MPPED2: variants seen among roughly 807,000 people sequenced by gnomAD.
MPPED2 encodes the protein metallophosphoesterase MPPED2.
A neutral mutation model predicts 33.0 loss-of-function variants in MPPED2; 5 were observed. The ratio of observed to expected loss-of-function variants is 0.15; its 90% CI spans 0.08 to 0.32. The LOEUF is 0.32. Ranked by LOEUF, MPPED2 falls within the 10% of genes least tolerant of loss-of-function variation. MPPED2 has a pLI of 1.00. For missense variants in MPPED2, 275 were observed against 372.1 expected, an observed-to-expected ratio of 0.74 and a Z score of 2.15; for synonymous variants, 136 against 141.9, an observed-to-expected ratio of 0.96 and a Z score of 0.29.
chr11:30,522,632 T>C (rs1953938627), intron 3 of MPPED2, among the ~76,000 whole-genome samples: 1 of 152,218 alleles, frequency 6.6e-6, no homozygotes, highest in African/African-American at 2.4e-5. Context: ...GAGGCTCTTC[T>C]GGGACTTAAC....
chr11:30,489,389 G>A (rs1203459151), intron 4 of MPPED2, among the ~76,000 whole-genome samples: 1 of 152,210 alleles, frequency 6.6e-6, no homozygotes, highest in Admixed American at 6.5e-5. Context: ...TAGAAATGCT[G>A]CAGAGAGTGA....
intron 2 of MPPED2, among the ~76,000 whole-genome samples, chr11:30,556,637 C>A (rs1565181412): frequency 6.6e-6 from 1 of 152,102 alleles, no homozygotes; most frequent in Non-Finnish European, 1.5e-5. Context: ...CCCAGGTCAC[C>A]CTTGGCAGCC....
intron 2 of MPPED2, among the ~76,000 whole-genome samples, chr11:30,552,286 G>A (rs572127016): frequency 5.3e-5 from 8 of 152,284 alleles, no homozygotes; most frequent in South Asian, 4.1e-4. Flanking sequence ...AAATTTCCCC[G>A]ATCCACAAAC....
chr11:30,447,351 G>A (rs1949857875), intron 4 of MPPED2, among the ~76,000 whole-genome samples: 1 of 152,186 alleles, frequency 6.6e-6, no homozygotes, highest in African/African-American at 2.4e-5. Flanking sequence ...TCCTTGTCGT[G>A]TCAGTGCAGA....
chr11:30,567,749 C>T (rs1956508628), intron 2 of MPPED2, among the ~76,000 whole-genome samples: 1 of 152,106 alleles, frequency 6.6e-6, no homozygotes, highest in African/African-American at 2.4e-5. Context: ...ATCATGAACC[C>T]CTATAAACTT....
chr11:30,522,934 A>G (rs1953956330), intron 3 of MPPED2, among the ~76,000 whole-genome samples: 2 of 152,248 alleles, frequency 1.3e-5, no homozygotes, highest in African/African-American at 4.8e-5. Context: ...AAACAATTAT[A>G]AATTTAAAAT....
rs1235482937 is a variant in MPPED2, at chr11:30,580,486, T to C, written c.-113A>G. Reference sequence around the variant, plus strand: ...CCAAGGATCTACTCATCAATACCGCTGTGCATTTCTGAAAGAAAAAAAAAA... The same window carrying C: ...CCAAGGATCTACTCATCAATACCGCCGTGCATTTCTGAAAGAAAAAAAAAA... On this transcript the variant is annotated 5_prime_UTR_variant, in exon 2 of 7. Coordinates refer to ENST00000358117, the MANE Select transcript of MPPED2 (RefSeq NM_001584.3). 6 of 1,451,074 alleles carry C rather than the reference T, an allele frequency of 4.1e-6. No individual in the cohort carries two copies. The highest frequency in any genetic ancestry group is 5.5e-6 in the Non-Finnish European group (6 of 1,096,330). The allele number at this position is 1,451,074 out of a possible 1,614,324, so 89.9% of individuals were successfully genotyped here. A position where few individuals can be genotyped will look rare whatever the true frequency, so the allele number is the denominator to read the frequency against.
intron 4 of MPPED2, among the ~76,000 whole-genome samples, chr11:30,443,479 C>T (rs1264438977): frequency 1.3e-5 from 2 of 151,964 alleles, no homozygotes; most frequent in African/African-American, 4.8e-5. Context: ...ATCACTTTCT[C>T]ATTGTAGGAG....
chr11:30,483,845 A>T (rs981481417), intron 4 of MPPED2, among the ~76,000 whole-genome samples: 3 of 152,122 alleles, frequency 2.0e-5, no homozygotes, highest in African/African-American at 7.2e-5. Context: ...TAGCTTTGAG[A>T]TTGATATATC....
intron 3 of MPPED2, among the ~76,000 whole-genome samples, chr11:30,502,000 A>G (rs1346066629): frequency 6.6e-6 from 1 of 152,188 alleles, no homozygotes; most frequent in Admixed American, 6.5e-5. Flanking sequence ...GGTTCACCAG[A>G]GCAGCTATGC....
At chr11:30,408,911 G>A (rs182419232), downstream of MPPED2, among the ~76,000 whole-genome samples, 301 of 152,306 alleles carry the variant, frequency 2.0e-3, no homozygotes, top group African/African-American at 6.9e-3. Context: ...AAGGCCCAGT[G>A]TAGAAAGCTC....
chr11:30,464,321 A>G (rs1477890200), intron 4 of MPPED2, among the ~76,000 whole-genome samples: 1 of 151,328 alleles, frequency 6.6e-6, no homozygotes, highest in East Asian at 1.9e-4. Context: ...TATCGTCTAC[A>G]TTTCAATTTT....
chr11:30,427,109 C>T (rs181094052), intron 4 of MPPED2, among the ~76,000 whole-genome samples: 11 of 152,286 alleles, frequency 7.2e-5, no homozygotes, highest in Admixed American at 7.2e-4. Flanking sequence ...TTAGACATGT[C>T]ACGGCAACCA....
At chr11:30,476,973 G>A (rs973209840) in intron 4 of MPPED2, among the ~76,000 whole-genome samples, 1 of 151,956 alleles carries the variant, frequency 6.6e-6, no homozygotes, top group Non-Finnish European at 1.5e-5. Flanking sequence ...ATATTTTAAG[G>A]TTTTGGTGCT....
In MPPED2 at chr11:30,424,034, G is replaced by A. The variant is rs1315133564; in HGVS notation, c.537-6401C>T. Among the ~76,000 whole-genome samples the A allele has an allele frequency of 3.3e-5, 5 of 152,186 alleles. No homozygotes were observed. The East Asian group carries it at 9.7e-4, about 29-fold the overall frequency. ...GTGGAAGTTTTTCAGAAAGCCATTC[G>A]CTCACTCGCTCACTTGCTCGCTCCC... On this transcript the variant is annotated intron_variant, in intron 4 of 6. Coordinates refer to ENST00000358117, the MANE Select transcript of MPPED2 (RefSeq NM_001584.3).
chr11:30,433,607 A>G (rs1949182251), intron 4 of MPPED2, among the ~76,000 whole-genome samples: 1 of 152,204 alleles, frequency 6.6e-6, no homozygotes, highest in Admixed American at 6.5e-5. Flanking sequence ...ACATTATCCA[A>G]AGGGCAGGTC....
chr11:30,538,820 G>A (rs1304474286), intron 2 of MPPED2, among the ~76,000 whole-genome samples: 1 of 152,092 alleles, frequency 6.6e-6, no homozygotes, highest in Non-Finnish European at 1.5e-5. Context: ...GGCAGGGGAT[G>A]GGGGAAGTGA....
At chr11:30,491,715 C>T (rs1310946650) in intron 4 of MPPED2, among the ~76,000 whole-genome samples, 1 of 152,140 alleles carries the variant, frequency 6.6e-6, no homozygotes, top group Non-Finnish European at 1.5e-5. Flanking sequence ...TACTCTCCTC[C>T]CTAGCACAGA....
intron 4 of MPPED2, among the ~76,000 whole-genome samples, chr11:30,453,191 T>G (rs1950137392): frequency 6.6e-6 from 1 of 152,122 alleles, no homozygotes; most frequent in East Asian, 1.9e-4. Flanking sequence ...TAAGACCTTG[T>G]GAGTTCGGGG....
Sources: allele counts gnomAD v4.1 joint callset (sites outside exome capture counted in the v4.1 genomes callset), GRCh38; gene constraint gnomAD v4.1.1; transcripts MANE v1.5; gene names NCBI Gene and HGNC (gene_info 2026-07-23, HGNC 2026-07-21).